The following CDH12 variants were observed in gnomAD, a reference collection of about 807,000 sequenced individuals.
CDH12 encodes cadherin-12.
Under a neutral mutation model 74.1 loss-of-function variants are expected in CDH12, and 41 were observed. That is an observed-to-expected ratio of 0.55 (90% CI 0.43 to 0.72). The LOEUF is 0.72. Among genes scored for constraint, CDH12 ranks in the 30% least tolerant of loss-of-function variants. The pLI is 0.00. For synonymous variants in CDH12, 399 were observed against 355.0 expected, an observed-to-expected ratio of 1.12 and a Z score of -1.39; for missense variants, 945 against 977.2, an observed-to-expected ratio of 0.97 and a Z score of 0.44.
intron 4 of CDH12, among the ~76,000 whole-genome samples, chr5:22,116,327 C>A (rs1429487988): frequency 6.6e-6 from 1 of 152,132 alleles, no homozygotes; most frequent in Non-Finnish European, 1.5e-5. Flanking sequence ...TTGAATTTAC[C>A]TGAATTCTTC....
chr5:22,754,462 C>T (rs896300659), intron 1 of CDH12, among the ~76,000 whole-genome samples: 11 of 150,876 alleles, frequency 7.3e-5, no homozygotes, highest in Non-Finnish European at 1.3e-4. Flanking sequence ...GGTACTATGG[C>T]ATCTGCTGTG....
At chr5:22,341,620 G>C (rs1739852990) in intron 3 of CDH12, among the ~76,000 whole-genome samples, 1 of 152,140 alleles carries the variant, frequency 6.6e-6, no homozygotes, top group South Asian at 2.1e-4. Context: ...TGATGGAGCT[G>C]TATTTACTGC....
intron 6 of CDH12, among the ~76,000 whole-genome samples, chr5:21,885,786 C>T (rs1190973638): frequency 6.6e-6 from 1 of 152,156 alleles, no homozygotes; most frequent in East Asian, 1.9e-4. Context: ...CAAAGACTCA[C>T]TGATATCAGT....
intron 2 of CDH12, among the ~76,000 whole-genome samples, chr5:22,504,045 A>G (rs1736284019): frequency 6.6e-6 from 1 of 152,056 alleles, no homozygotes; most frequent in Non-Finnish European, 1.5e-5. Context: ...ATCCAAGATC[A>G]GAGATTTAGA....
At chr5:22,554,327 C>T (rs1738702558) in intron 1 of CDH12, among the ~76,000 whole-genome samples, 1 of 151,896 alleles carries the variant, frequency 6.6e-6, no homozygotes, top group South Asian at 2.1e-4. Context: ...AATGATGTGT[C>T]CATGTAGGTT....
At chr5:22,355,266 T>A (rs978852859) in intron 3 of CDH12, among the ~76,000 whole-genome samples, 3 of 152,078 alleles carry the variant, frequency 2.0e-5, no homozygotes, top group African/African-American at 7.2e-5. Flanking sequence ...GGGGATTCTG[T>A]CATTATATAG....
chr5:22,758,290 G>A (rs1395268102), intron 1 of CDH12, among the ~76,000 whole-genome samples: 1 of 152,174 alleles, frequency 6.6e-6, no homozygotes, highest in Non-Finnish European at 1.5e-5. Context: ...AAATAAAAGA[G>A]ATTGTTTCTA....
intron 2 of CDH12, among the ~76,000 whole-genome samples, chr5:22,455,428 T>A: frequency 6.6e-6 from 1 of 152,292 alleles, no homozygotes; most frequent in Middle Eastern, 3.4e-3. Context: ...GAAGGAAAGT[T>A]GTTAGAAATG....
intron 2 of CDH12, among the ~76,000 whole-genome samples, chr5:22,463,350 C>T (rs571195630): frequency 6.6e-6 from 1 of 152,016 alleles, no homozygotes; most frequent in African/African-American, 2.4e-5. Context: ...AATGTGAATG[C>T]TAAGTATCCT....
chr5:22,544,314 T>C (rs1272851519), intron 1 of CDH12, among the ~76,000 whole-genome samples: 1 of 152,132 alleles, frequency 6.6e-6, no homozygotes, highest in African/African-American at 2.4e-5. Flanking sequence ...GGAAGTTAAT[T>C]GATGAGGATA....
At chr5:22,337,455 G>T (rs1252947898) in intron 3 of CDH12, among the ~76,000 whole-genome samples, 1 of 152,170 alleles carries the variant, frequency 6.6e-6, no homozygotes, top group African/African-American at 2.4e-5. Context: ...CATGTTGTGG[G>T]AAGGACCTTG....
At chr5:22,665,241 C>T (rs1003453053) in intron 1 of CDH12, among the ~76,000 whole-genome samples, 6 of 152,188 alleles carry the variant, frequency 3.9e-5, no homozygotes, top group Non-Finnish European at 5.9e-5. Context: ...CCTGGCCTCA[C>T]AAAGAGGATG....
chr5:22,269,000 C>T (rs2150398885), intron 3 of CDH12, among the ~76,000 whole-genome samples: 1 of 152,132 alleles, frequency 6.6e-6, no homozygotes, highest in South Asian at 2.1e-4. Context: ...TCAATTCTCG[C>T]CCTCCCATTA....
At chr5:22,310,189 G>A (rs529623658) in intron 3 of CDH12, among the ~76,000 whole-genome samples, 37 of 152,094 alleles carry the variant, frequency 2.4e-4, no homozygotes, top group Non-Finnish European at 4.1e-4. Flanking sequence ...GGCCAAGCGC[G>A]GTGGTTCACG....
At chr5:22,310,256 T>A (rs1305984454) in intron 3 of CDH12, among the ~76,000 whole-genome samples, 1 of 151,014 alleles carries the variant, frequency 6.6e-6, no homozygotes, top group Non-Finnish European at 1.5e-5. Context: ...ACGTCAGGAG[T>A]TTGAGACCAG....
chr5:22,689,803 A>T (rs963446170), intron 1 of CDH12, among the ~76,000 whole-genome samples: 4 of 152,118 alleles, frequency 2.6e-5, no homozygotes, highest in African/African-American at 9.7e-5. Flanking sequence ...GTATCAAAGT[A>T]GAAATACATT....
At chr5:22,135,311 A>G (rs1746396982) in intron 4 of CDH12, among the ~76,000 whole-genome samples, 1 of 151,744 alleles carries the variant, frequency 6.6e-6, no homozygotes, top group Admixed American at 6.6e-5. Context: ...ACTGCTGAGT[A>G]AAAATGACTA....
At chr5:21,776,468 A>G (rs754511186) in intron 11 of CDH12, among the ~76,000 whole-genome samples, 1 of 152,166 alleles carries the variant, frequency 6.6e-6, no homozygotes, top group Non-Finnish European at 1.5e-5. Flanking sequence ...CAAGAATTGA[A>G]GACCTGTTCG....
intron 1 of CDH12, among the ~76,000 whole-genome samples, chr5:22,586,837 A>ATTTTTTTT (rs11417237): frequency 9.5e-6 from 1 of 105,450 alleles, no homozygotes; most frequent in Admixed American, 1.2e-4. Flanking sequence ...TTAGAGGAGG[A>ATTTTTTTT]TTTTTTTTTT....
Sources: gnomAD v4.1 joint callset for allele counts (sites outside exome capture counted in the v4.1 genomes callset) on GRCh38, gnomAD v4.1.1 for gene constraint, MANE v1.5 for transcripts, NCBI Gene and HGNC (gene_info 2026-07-23, HGNC 2026-07-21) for gene names.